Variants in FOXO1 observed in about 807,000 individuals in gnomAD.
FOXO1 encodes the protein forkhead box protein O1.
A neutral mutation model predicts 44.1 loss-of-function variants in FOXO1; 6 were observed. That is an observed-to-expected ratio of 0.14 (90% CI 0.07 to 0.27). The LOEUF (loss-of-function observed/expected upper bound fraction) is 0.27, where lower values mean the gene tolerates loss of function less well. Among genes scored for constraint, FOXO1 ranks in the 10% least tolerant of loss-of-function variants. FOXO1 has a pLI of 1.00. For synonymous variants in FOXO1, 380 were observed against 362.7 expected (o/e 1.05, Z -0.54); for missense variants, 737 against 888.8 (o/e 0.83, Z 2.17).
chr13:40,603,766 G>A (rs1875895664), intron 1 of FOXO1, among the ~76,000 whole-genome samples: 1 of 152,038 alleles, frequency 6.6e-6, no homozygotes, highest in Admixed American at 6.6e-5. Flanking sequence ...TCTTTCAAGG[G>A]GTTCAACTTA....
rs1593403111 is a variant in FOXO1 at position 40,619,901 on chromosome 13, G to A, written c.630+45682C>T. On this transcript the variant is annotated intron_variant, in intron 1 of 2. Coordinates refer to ENST00000379561, the MANE Select transcript of FOXO1 (RefSeq NM_002015.4). The stretch of plus-strand genomic sequence containing the variant: ...GCACATGTTTGGGAAAATGGGGCTA[G>A]ATATAATGTTACAGTGAGAAATACA... The A allele has an allele frequency of 4.1e-5, 29 of 704,134 alleles. No homozygotes were observed. In the South Asian group the frequency reaches 4.2e-4, roughly 10 times the overall value. The allele number at this position is 704,134 out of a possible 1,614,324, so 43.6% of individuals were successfully genotyped here.
At chr13:40,640,338 G>C (rs1236278903) in intron 1 of FOXO1, among the ~76,000 whole-genome samples, 5 of 152,358 alleles carry the variant, frequency 3.3e-5, no homozygotes, top group Admixed American at 6.5e-5. Context: ...GCCAAGCAAT[G>C]TCTGGCTCTG....
At chr13:40,632,040 G>A (rs1440463464) in intron 1 of FOXO1, among the ~76,000 whole-genome samples, 1 of 151,892 alleles carries the variant, frequency 6.6e-6, no homozygotes, top group Non-Finnish European at 1.5e-5. Flanking sequence ...GGGAGGCCAT[G>A]GCAGGTGGAT....
chr13:40,639,422 T>A (rs1393309318), intron 1 of FOXO1, among the ~76,000 whole-genome samples: 2 of 152,202 alleles, frequency 1.3e-5, no homozygotes, highest in Non-Finnish European at 2.9e-5. Context: ...TAGTTTTAGG[T>A]GCAGTAAATA....
chr13:40,637,862 T>A (rs1877212426), intron 1 of FOXO1, among the ~76,000 whole-genome samples: 1 of 152,132 alleles, frequency 6.6e-6, no homozygotes, highest in Non-Finnish European at 1.5e-5. Flanking sequence ...CAGCAACTAC[T>A]CACTTTATGG....
chr13:40,558,332 A>C lies in FOXO1; in HGVS notation c.*717T>G, dbSNP rs917866770. On this transcript the variant is annotated 3_prime_UTR_variant, in exon 3 of 3. Coordinates refer to ENST00000379561, the MANE Select transcript of FOXO1 (RefSeq NM_002015.4). ...TTTATCTGGAAATTAGAACCATTTA[A>C]ATGTTTGTACAAATTTGCAAATAAC... The C allele has an allele frequency of 3.9e-5, 6 of 152,752 alleles. No individual in the cohort carries two copies. The highest frequency in any genetic ancestry group is 1.4e-4 in the African/African-American group (6 of 41,464). 9.5% of individuals were successfully genotyped at this position (152,752 alleles called of 1,614,324 possible).
chr13:40,561,367 A>AT (rs1210672637), intron 1 of FOXO1, among the ~76,000 whole-genome samples: 68 of 150,804 alleles, frequency 4.5e-4, no homozygotes, highest in Non-Finnish European at 7.8e-4. Flanking sequence ...AAAAAAAAAA[A>AT]AAATTCTATA....
chr13:40,663,637 C>A (rs1336637561), intron 1 of FOXO1, among the ~76,000 whole-genome samples: 1 of 152,108 alleles, frequency 6.6e-6, no homozygotes, highest in African/African-American at 2.4e-5. Context: ...ATTTGGCAGA[C>A]AATTTCGATT....
chr13:40,641,137 C>T (rs1200640035), intron 1 of FOXO1, among the ~76,000 whole-genome samples: 2 of 152,110 alleles, frequency 1.3e-5, no homozygotes, highest in Non-Finnish European at 2.9e-5. Flanking sequence ...GACAAGTTTC[C>T]ATTCCCCGTA....
At chr13:40,602,576 G>A (rs1047871186) in intron 1 of FOXO1, among the ~76,000 whole-genome samples, 2 of 152,118 alleles carry the variant, frequency 1.3e-5, no homozygotes, top group African/African-American at 4.8e-5. Context: ...AAACATGAAG[G>A]GGGAGAGATT....
chr13:40,571,968 T>C (rs533549157), intron 1 of FOXO1, among the ~76,000 whole-genome samples: 2 of 152,352 alleles, frequency 1.3e-5, no homozygotes, highest in East Asian at 3.9e-4. Context: ...TACCAATACT[T>C]TGATCCATTT....
Position 40,665,661 on chromosome 13 carries a change from C to G in FOXO1, c.552G>C (p.Ser184=). The change falls in exon 1 of 3, where the codon TCG becomes TCC. Residue 184 remains serine, a synonymous_variant. Coordinates refer to ENST00000379561, the MANE Select transcript of FOXO1 (RefSeq NM_002015.4). ...ESSAEKRLTL[S]QIYEWMVKSV... The stretch of plus-strand genomic sequence containing the variant: ...TCTTGACCATCCACTCGTAGATCTG[C>G]GACAGCGTGAGCCGCTTCTCCGCCG... 1 of 1,537,598 alleles carries G rather than the reference C, an allele frequency of 6.5e-7. No individual in the cohort carries two copies. The highest frequency in any genetic ancestry group is 1.4e-5 in the African/African-American group (1 of 70,874).
At chr13:40,654,079 A>G (rs1415884376) in intron 1 of FOXO1, among the ~76,000 whole-genome samples, 1 of 152,038 alleles carries the variant, frequency 6.6e-6, no homozygotes, top group African/African-American at 2.4e-5. Flanking sequence ...CCCTTATCAG[A>G]TAAGACAGGT....
chr13:40,615,573 A>G (rs900489384), intron 1 of FOXO1, among the ~76,000 whole-genome samples: 16 of 140,946 alleles, frequency 1.1e-4, no homozygotes, highest in South Asian at 2.2e-4. Context: ...ACATACATAC[A>G]TACAGCAGAA....
intron 1 of FOXO1, among the ~76,000 whole-genome samples, chr13:40,572,658 AGCTTCCCAAATGGGTT>A (rs1318871680): frequency 6.6e-6 from 1 of 152,212 alleles, no homozygotes; most frequent in Non-Finnish European, 1.5e-5. Flanking sequence ...CAAATCAAAT[AGCTTCCCAAATGGGTT>A]GACCCAATAA....
chr13:40,636,517 CTTT>C (rs376651061), intron 1 of FOXO1, among the ~76,000 whole-genome samples: 5 of 121,958 alleles, frequency 4.1e-5, no homozygotes, highest in African/African-American at 6.4e-5. Flanking sequence ...TTTTCAAAAA[CTTT>C]TTTTTTTTTT....
At position 40,576,058 on chromosome 13, in the gene FOXO1, C is replaced by T. The variant is rs529915996; in HGVS notation, c.631-15198G>A. Reference sequence around the variant, plus strand: ...GGCTTGCGATCTTTGGGCTTGGTTCCCTTGTCTGCAAGAAGGAAATACTAA... The same window carrying T: ...GGCTTGCGATCTTTGGGCTTGGTTCTCTTGTCTGCAAGAAGGAAATACTAA... On this transcript the variant is annotated intron_variant, in intron 1 of 2. Transcript: ENST00000379561. 4.6e-5 allele frequency among the ~76,000 whole-genome samples: 7 copies of T among 152,314 alleles called. No homozygotes were observed. In the East Asian group the frequency reaches 1.2e-3, roughly 25 times the overall value.
intron 1 of FOXO1, among the ~76,000 whole-genome samples, chr13:40,613,139 C>T (rs187161361): frequency 5.6e-4 from 85 of 152,280 alleles, no homozygotes; most frequent in Non-Finnish European, 1.0e-3. Context: ...TGCCTGTAAA[C>T]CCCATCTCTC....
chr13:40,640,753 TTTC>T (rs1489570857), intron 1 of FOXO1, among the ~76,000 whole-genome samples: 1 of 143,164 alleles, frequency 7.0e-6, no homozygotes, highest in Non-Finnish European at 1.5e-5. Context: ...GTGTTTGTTA[TTTC>T]TTTTGTTGTT....
Sources: gnomAD v4.1 joint callset for allele counts (sites outside exome capture counted in the v4.1 genomes callset) on GRCh38, gnomAD v4.1.1 for gene constraint, MANE v1.5 for transcripts, NCBI Gene and HGNC (gene_info 2026-07-23, HGNC 2026-07-21) for gene names.